C1orf116: variants seen among roughly 807,000 people sequenced by gnomAD.
C1orf116 encodes the protein specifically androgen-regulated gene protein.
In C1orf116, 12 loss-of-function variants were observed where a neutral mutation model predicts 14.1. That is an observed-to-expected ratio of 0.85 (90% CI 0.54 to 1.38). The LOEUF (loss-of-function observed/expected upper bound fraction) is 1.38, where lower values mean the gene tolerates loss of function less well. C1orf116 is among the 40% of genes most tolerant of loss of function. The pLI, the probability that C1orf116 is intolerant of heterozygous loss-of-function variation, is 0.00. For missense variants in C1orf116, 797 were observed against 747.0 expected, an observed-to-expected ratio of 1.07 and a Z score of -0.78; for synonymous variants, 296 against 299.0, an observed-to-expected ratio of 0.99 and a Z score of 0.10.
chr1:207,027,227 C>T (rs191016356), intron 2 of C1orf116, among the ~76,000 whole-genome samples: 41 of 152,326 alleles, frequency 2.7e-4, no homozygotes, highest in African/African-American at 9.1e-4. Context: ...GGCCTACTCT[C>T]TCTGCTCAAC....
rs757427267 is a variant in C1orf116 at position 207,024,996 on chromosome 1, A to G, written c.174T>C (p.Ile58=). The G allele has an allele frequency of 6.3e-7, 1 of 1,599,466 alleles. No individual in the cohort carries two copies. The highest frequency in any genetic ancestry group is 8.5e-7 in the Non-Finnish European group (1 of 1,171,246). The change falls in exon 3 of 4, where the codon ATT becomes ATC. Residue 58 remains isoleucine (I), a synonymous_variant. Transcript: ENST00000359470. ...TGTCAGCCTCCGTGTCCAGTGAGCCAATGGTCTCCTCCAGGAAGAGCAGAC... is the reference window on the plus strand; with the variant it reads ...TGTCAGCCTCCGTGTCCAGTGAGCCGATGGTCTCCTCCAGGAAGAGCAGAC... ...KECLLFLEET[I]GSLDTEADSG...
Position 207,022,561 on chromosome 1 carries a change from T to G in C1orf116, c.1203A>C (p.Ala401=). The change falls in exon 4 of 4, where the codon GCA becomes GCC. Residue 401 remains alanine, a synonymous_variant. Coordinates refer to ENST00000359470, the MANE Select transcript of C1orf116 (RefSeq NM_023938.6). ...AQPAAPAQAS[A]AIPAAGKALA... ...GAGCCTTCCCAGCAGCAGGAATAGC[T>G]GCTGAGGCCTGGGCTGGAGCTGCAG... 6.2e-7 allele frequency: 1 copy of G among 1,614,024 alleles called. No homozygotes were observed. Among genetic ancestry groups the G allele is most frequent in the Non-Finnish European group, 8.5e-7 (1 of 1,179,954 alleles).
rs973634162 is a variant in C1orf116, at chr1:207,020,738, T to C, written c.*1220A>G. ...AATCTCTGATGCTTCAGAAGGCACT[T>C]TGAGATCTTGAAGGGCCTTAGGGTT... On this transcript the variant is annotated 3_prime_UTR_variant, in exon 4 of 4. Coordinates refer to ENST00000359470, the MANE Select transcript of C1orf116 (RefSeq NM_023938.6). The C allele has an allele frequency of 6.6e-6, 1 of 152,212 alleles. No individual in the cohort carries two copies. Among genetic ancestry groups the C allele is most frequent in the African/African-American group, 2.4e-5 (1 of 41,458 alleles). 9.4% of individuals were successfully genotyped at this position (152,212 alleles called of 1,614,324 possible). A position where few individuals can be genotyped will look rare whatever the true frequency, so the allele number is the denominator to read the frequency against.
chr1:207,027,668 C>G lies in C1orf116; in HGVS notation c.-70G>C, dbSNP rs984937430. 6.3e-7 allele frequency: 1 copy of G among 1,583,506 alleles called. No individual in the cohort carries two copies. The highest frequency in any genetic ancestry group is 8.6e-7 in the Non-Finnish European group (1 of 1,168,248). On this transcript the variant is annotated 5_prime_UTR_variant, in exon 2 of 4. Coordinates refer to ENST00000359470, the MANE Select transcript of C1orf116 (RefSeq NM_023938.6). ...GGAAGCGAGGGGAAGTGAACAATGTCCCAAGCCGGGCCTGAAAAGAGAAGA... is the reference window on the plus strand; with the variant it reads ...GGAAGCGAGGGGAAGTGAACAATGTGCCAAGCCGGGCCTGAAAAGAGAAGA...
rs1010511865 is a variant in C1orf116, at chr1:207,020,574, C to T, written c.*1384G>A. ...ACCACCCACCCATAATACCCTCTTT[C>T]GGCATTTGCTCAAGCTGCACAACTT... On this transcript the variant is annotated 3_prime_UTR_variant, in exon 4 of 4. Coordinates refer to ENST00000359470, the MANE Select transcript of C1orf116 (RefSeq NM_023938.6). 8 of 152,182 alleles carry T rather than the reference C, an allele frequency of 5.3e-5. No individual in the cohort carries two copies. The highest frequency in any genetic ancestry group is 9.7e-5 in the African/African-American group (4 of 41,446). 9.4% of individuals were successfully genotyped at this position (152,182 alleles called of 1,614,324 possible). A position where few individuals can be genotyped will look rare whatever the true frequency, so the allele number is the denominator to read the frequency against.
rs896818385 is a variant in C1orf116, at chr1:207,019,868, A to G, written c.*2090T>C. 2.0e-5 allele frequency: 3 copies of G among 152,170 alleles called. No homozygotes were observed. Among genetic ancestry groups the G allele is most frequent in the Non-Finnish European group, 4.4e-5 (3 of 68,030 alleles). The allele number at this position is 152,170 out of a possible 1,614,324, so 9.4% of individuals were successfully genotyped here. On this transcript the variant is annotated 3_prime_UTR_variant, in exon 4 of 4. Coordinates refer to ENST00000359470, the MANE Select transcript of C1orf116 (RefSeq NM_023938.6). The stretch of plus-strand genomic sequence containing the variant: ...AAATGACCTTTCTCAGGATGTGGGA[A>G]TATAATAGGCTGTACTCCTGATGAC...
intron 1 of C1orf116, among the ~76,000 whole-genome samples, chr1:207,028,645 G>C (rs1682153219): frequency 1.3e-5 from 2 of 152,030 alleles, no homozygotes; most frequent in South Asian, 4.1e-4. Context: ...TAATTCCTTA[G>C]GGAAAAAAAG....
rs748481037 is a variant in C1orf116, at chr1:207,022,838, C to T, written c.926G>A (p.Ser309Asn). The change falls in exon 4 of 4, where the codon AGC becomes AAC. Residue 309 changes from serine to asparagine, a missense_variant. Ser to Asn is a conservative substitution (Grantham distance 46). Coordinates refer to ENST00000359470, the MANE Select transcript of C1orf116 (RefSeq NM_023938.6). ...RKLPPNIVLK[S>N]SRSSFHSDPQ... ...GTCACTGTGGAAACTGCTTCGGCTG[C>T]TCTTCAGAACAATATTAGGTGGCAG... is the stretch of plus-strand genomic sequence containing the variant. 12 of 1,613,912 alleles carry T rather than the reference C, an allele frequency of 7.4e-6. No individual in the cohort carries two copies. In the Admixed American group the frequency reaches 1.0e-4, roughly 13 times the overall value.
chr1:207,024,907 A>T lies in C1orf116; in HGVS notation c.263T>A (p.Ile88Lys), dbSNP rs778206766. 3.7e-6 allele frequency: 6 copies of T among 1,613,528 alleles called. No homozygotes were observed. The African/African-American group carries it at 6.7e-5, about 18-fold the overall frequency. The change falls in exon 3 of 4, where the codon ATA becomes AAA. Residue 88 changes from isoleucine to lysine, a missense_variant. Transcript: ENST00000359470. ...CTTACCCCGGGGAGTGGGTTGGGTT[A>T]TGGGCAGTGCTCGGAAACCTCTGGG... ...TTPRGFRALP[I>K]TQPTPRGGPE...
At chr1:207,030,458 C>T (rs1469661269) in intron 1 of C1orf116, among the ~76,000 whole-genome samples, 5 of 152,160 alleles carry the variant, frequency 3.3e-5, no homozygotes, top group African/African-American at 1.2e-4. Context: ...CTTTATACTT[C>T]CAGACCAGTG....
In C1orf116 at chr1:207,024,890, G is replaced by A. The variant is rs79235823; in HGVS notation, c.280C>T (p.Arg94Trp). The change falls in exon 3 of 4, where the codon CGG becomes TGG. Residue 94 changes from arginine to tryptophan, a missense_variant. Transcript: ENST00000359470. ...CACCCCAGAGGGTCTGCCTTACCCC[G>A]GGGAGTGGGTTGGGTTATGGGCAGT... The part of the protein sequence containing the change: ...RALPITQPTP[R>W]GGPEETITQQ... The A allele has an allele frequency of 1.3e-3, 2,037 of 1,610,790 alleles. 24 individuals are homozygous for A. The African/African-American group carries it at 0.023, about 18-fold the overall frequency.
At chr1:207,023,667 A>G (rs1001866850) in intron 3 of C1orf116, among the ~76,000 whole-genome samples, 187 bp from the exon 4 acceptor site, 1 of 152,154 alleles carries the variant, frequency 6.6e-6, no homozygotes, top group East Asian at 1.9e-4. Context: ...TATCATTTAG[A>G]CTAATAGATC....
chr1:207,027,178 G>T (rs151076588), intron 2 of C1orf116, among the ~76,000 whole-genome samples: 1 of 152,148 alleles, frequency 6.6e-6, no homozygotes, highest in African/African-American at 2.4e-5. Flanking sequence ...TGTGCTACAA[G>T]AATCTATGTT....
Position 207,020,992 on chromosome 1 carries a change from G to A in C1orf116, c.*966C>T, listed in dbSNP as rs1437222453. ...TTAAGACTGGCAGAGGATGTATTGTGTGGGTTTTCTATCACTGGAACTGAG... is the reference window on the plus strand; with the variant it reads ...TTAAGACTGGCAGAGGATGTATTGTATGGGTTTTCTATCACTGGAACTGAG... On this transcript the variant is annotated 3_prime_UTR_variant, in exon 4 of 4. Coordinates refer to ENST00000359470, the MANE Select transcript of C1orf116 (RefSeq NM_023938.6). 1 of 152,202 alleles carries A rather than the reference G, an allele frequency of 6.6e-6. No homozygotes were observed. Among genetic ancestry groups the A allele is most frequent in the Admixed American group, 6.5e-5 (1 of 15,286 alleles). 9.4% of individuals were successfully genotyped at this position (152,202 alleles called of 1,614,324 possible). A position where few individuals can be genotyped will look rare whatever the true frequency, so the allele number is the denominator to read the frequency against.
rs371156517 is a variant in C1orf116 at position 207,022,730 on chromosome 1, T to A, written c.1034A>T (p.Lys345Ile). 1.8e-5 allele frequency: 29 copies of A among 1,614,062 alleles called. No individual in the cohort carries two copies. Among genetic ancestry groups the A allele is most frequent in the African/African-American group, 2.7e-5 (2 of 74,920 alleles). The change falls in exon 4 of 4, where the codon AAA (lysine) becomes ATA (isoleucine). Residue 345 changes from lysine to isoleucine, a missense_variant. Coordinates refer to ENST00000359470, the MANE Select transcript of C1orf116 (RefSeq NM_023938.6). The part of the protein sequence containing the change: ...LISCSLQEQR[K>I]ARKEALEKLG... Reference sequence around the variant, plus strand: ...CTTCTCTAGAGCTTCTTTACGTGCTTTTCTCTGCTCTTGCAGTGAACAGGA... The same window carrying A: ...CTTCTCTAGAGCTTCTTTACGTGCTATTCTCTGCTCTTGCAGTGAACAGGA...
rs746885164 is a variant in C1orf116, at chr1:207,022,244, G to C, written c.1520C>G (p.Thr507Ser). 1 of 1,613,990 alleles carries C rather than the reference G, an allele frequency of 6.2e-7. No individual in the cohort carries two copies. The highest frequency in any genetic ancestry group is 8.5e-7 in the Non-Finnish European group (1 of 1,179,970). ...CAAGAAGGAGCCCTTTCCCAGAGAA[G>C]TGCTGGTTTTGGGGCTGGCATCTTT... is the stretch of plus-strand genomic sequence containing the variant. ...TEKDASPKTSTSLGKGSFLDK... is the reference protein window; with the variant it reads ...TEKDASPKTSSSLGKGSFLDK... The change falls in exon 4 of 4, where the codon ACT (threonine) becomes AGT (serine). Residue 507 changes from threonine to serine, a missense_variant. Transcript: ENST00000359470.
chr1:207,023,554 G>C, intron 3 of C1orf116, 74 bp from the exon 4 acceptor site: 1 of 1,494,910 alleles, frequency 6.7e-7, no homozygotes, highest in African/African-American at 1.4e-5. Flanking sequence ...TGCTGCAGAG[G>C]GGAAAGCAAT....
At position 207,023,248 on chromosome 1, in the gene C1orf116, C is replaced by G; in HGVS notation, c.516G>C (p.Gln172His). ...GRLAPEPEKE[Q>H]VSQSSQPRQA... Reference sequence around the variant, plus strand: ...GCCTGGGTTGGCTGCTCTGGCTGACCTGTTCTTTCTCAGGCTCTGGCGCAA... The same window carrying G: ...GCCTGGGTTGGCTGCTCTGGCTGACGTGTTCTTTCTCAGGCTCTGGCGCAA... Residue 172 changes from glutamine (Q) to histidine (H), a missense_variant, in exon 4 of 4, where the codon CAG becomes CAC. Coordinates refer to ENST00000359470, the MANE Select transcript of C1orf116 (RefSeq NM_023938.6). 1 of 1,613,162 alleles carries G rather than the reference C, an allele frequency of 6.2e-7. No individual in the cohort carries two copies. The highest frequency in any genetic ancestry group is 8.5e-7 in the Non-Finnish European group (1 of 1,179,446).
rs557076717 is a variant in C1orf116 at position 207,019,718 on chromosome 1, C to T, written c.*2240G>A. ...TGAAGGATGAGGATGTGGAGAAGCA[C>T]GGTATCTTTAAAAAACAAGGGAAGG... On this transcript the variant is annotated 3_prime_UTR_variant, in exon 4 of 4. Coordinates refer to ENST00000359470, the MANE Select transcript of C1orf116 (RefSeq NM_023938.6). The T allele has an allele frequency of 6.5e-4, 99 of 152,230 alleles. No individual in the cohort carries two copies. Among genetic ancestry groups the T allele is most frequent in the African/African-American group, 2.0e-3 (84 of 41,532 alleles). The allele number at this position is 152,230 out of a possible 1,614,324, so 9.4% of individuals were successfully genotyped here. A position where few individuals can be genotyped will look rare whatever the true frequency, so the allele number is the denominator to read the frequency against.
Sources: allele counts gnomAD v4.1 joint callset (sites outside exome capture counted in the v4.1 genomes callset), GRCh38; gene constraint gnomAD v4.1.1; transcripts MANE v1.5; gene names NCBI Gene and HGNC (gene_info 2026-07-23, HGNC 2026-07-21).